TMEM64: variants seen among roughly 807,000 people sequenced by gnomAD.
TMEM64 encodes the protein transmembrane protein 64.
A neutral mutation model predicts 24.5 loss-of-function variants in TMEM64; 19 were observed. The ratio of observed to expected loss-of-function variants is 0.78; its 90% CI spans 0.54 to 1.14. The LOEUF is 1.14. Ranked by LOEUF, TMEM64 falls within the 50% of genes most tolerant of loss-of-function variation. The probability of loss-of-function intolerance (pLI) is 0.00; values close to 1 mark genes in which losing one functional copy is unlikely to be tolerated. For missense variants in TMEM64, 487 were observed against 493.0 expected, an observed-to-expected ratio of 0.99 and a Z score of 0.12; for synonymous variants, 262 against 224.7, an observed-to-expected ratio of 1.17 and a Z score of -1.49.
rs1335686505 is a variant in TMEM64 at position 90,631,657 on chromosome 8, C to G, written c.846G>C (p.Leu282=). 1 of 1,613,666 alleles carries G rather than the reference C, an allele frequency of 6.2e-7. No homozygotes were observed. The highest frequency in any genetic ancestry group is 1.1e-5 in the South Asian group (1 of 91,062). Reference sequence around the variant, plus strand: ...AAGAATTCAGAAGCTGGGTAGGAAGCAGTCCAACCGAAGATGCCATCAGAT... The same window carrying G: ...AAGAATTCAGAAGCTGGGTAGGAAGGAGTCCAACCGAAGATGCCATCAGAT... ...PNYLMASSVG[L]LPTQLLNSYL... is the part of the protein sequence containing the mutation. The change falls in exon 2 of 3, where the codon CTG becomes CTC. Residue 282 remains leucine, a synonymous_variant. Coordinates refer to ENST00000458549, the MANE Select transcript of TMEM64 (RefSeq NM_001008495.4).
chr8:90,639,535 C>A (rs1264312574), intron 1 of TMEM64, among the ~76,000 whole-genome samples: 1 of 152,030 alleles, frequency 6.6e-6, no homozygotes, highest in African/African-American at 2.4e-5. Flanking sequence ...GTATCATATG[C>A]CTTCTATATA....
At position 90,625,834 on chromosome 8, in the gene TMEM64, T is replaced by C. The variant is rs1809350440; in HGVS notation, c.980A>G (p.Tyr327Cys). 1.2e-6 allele frequency: 2 copies of C among 1,613,092 alleles called. No individual in the cohort carries two copies. Among genetic ancestry groups the C allele is most frequent in the Non-Finnish European group, 1.7e-6 (2 of 1,179,324 alleles). The change falls in exon 3 of 3, where the codon TAT becomes TGT. Residue 327 changes from tyrosine to cysteine, a missense_variant. Physicochemically the swap from Tyr to Cys is radical, Grantham distance 194. Around this residue, in one of 3 missense-constraint regions of TMEM64, gnomAD observed 10 missense variants for 27.3 expected, o/e 0.37. Coordinates refer to ENST00000458549, the MANE Select transcript of TMEM64 (RefSeq NM_001008495.4). Reference protein sequence around the residue: ...QIIISIGLMFYVVHRAQVELN... With the variant: ...QIIISIGLMFCVVHRAQVELN... ...TTCCACTTGAGCTCGATGAACTACATAAAACATGAGGCCTATACTTATAAT... is the reference window on the plus strand; with the variant it reads ...TTCCACTTGAGCTCGATGAACTACACAAAACATGAGGCCTATACTTATAAT...
At chr8:90,633,274 T>C (rs1195032082) in intron 1 of TMEM64, among the ~76,000 whole-genome samples, 1 of 152,220 alleles carries the variant, frequency 6.6e-6, no homozygotes, top group Non-Finnish European at 1.5e-5. Flanking sequence ...GGCAAGGAAC[T>C]GATGTCTTCA....
intron 2 of TMEM64, among the ~76,000 whole-genome samples, chr8:90,631,240 C>T (rs1476644585): frequency 6.6e-6 from 1 of 152,122 alleles, no homozygotes; most frequent in African/African-American, 2.4e-5. Flanking sequence ...ACACTTCACA[C>T]AAAATCAAAA....
At position 90,645,509 on chromosome 8, in the gene TMEM64, A is replaced by T. The variant is rs1025714695; in HGVS notation, c.397T>A (p.Cys133Ser). 2 of 1,550,468 alleles carry T rather than the reference A, an allele frequency of 1.3e-6. No individual in the cohort carries two copies. The highest frequency in any genetic ancestry group is 2.7e-5 in the African/African-American group (2 of 73,052). Residue 133 changes from cysteine (C) to serine (S), a missense_variant, in exon 1 of 3, where the codon TGC becomes AGC. Around this residue, in one of 3 missense-constraint regions of TMEM64, gnomAD observed 419 missense variants for 407.5 expected, o/e 1.03. Coordinates refer to ENST00000458549, the MANE Select transcript of TMEM64 (RefSeq NM_001008495.4). The surrounding 1 kb of genome is among the most constrained non-coding windows in gnomAD (Gnocchi z 4.2). ...LVLVCVLAAL[C>S]FASLALVRRY... ...CGGACCAGGGCCAGGGAAGCGAAGC[A>T]CAGGGCGGCCAACACGCAGACCAGC...
intron 2 of TMEM64, among the ~76,000 whole-genome samples, chr8:90,631,108 T>C (rs1809430231): frequency 6.6e-6 from 1 of 152,168 alleles, no homozygotes; most frequent in African/African-American, 2.4e-5. Flanking sequence ...CAAATTGTAC[T>C]AGAAAGAAAT....
intron 2 of TMEM64, among the ~76,000 whole-genome samples, chr8:90,627,991 T>C (rs1229337507): frequency 2.0e-5 from 3 of 152,132 alleles, no homozygotes; most frequent in African/African-American, 7.2e-5. Flanking sequence ...GGGCCACAGA[T>C]AGCAAGGGTG....
intron 1 of TMEM64, among the ~76,000 whole-genome samples, chr8:90,639,257 T>C (rs79281177): frequency 0.012 from 1,823 of 152,244 alleles, 36 homozygotes; most frequent in African/African-American, 0.042. Context: ...TCTTCACATA[T>C]GCAAGCTTTT....
intron 2 of TMEM64, among the ~76,000 whole-genome samples, chr8:90,627,799 GA>G (rs1276071023): frequency 6.6e-6 from 1 of 151,014 alleles, no homozygotes; most frequent in South Asian, 2.1e-4. Context: ...TAGGCAAGTG[GA>G]AAAAAAAAGT....
In TMEM64 at chr8:90,645,423, C is replaced by G; in HGVS notation, c.483G>C (p.Leu161=). 1 of 1,551,690 alleles carries G rather than the reference C, an allele frequency of 6.4e-7. No homozygotes were observed. Among genetic ancestry groups the G allele is most frequent in the Non-Finnish European group, 8.7e-7 (1 of 1,147,030 alleles). Residue 161 remains leucine (L), a synonymous_variant, in exon 1 of 3, where the codon CTG becomes CTC. Transcript: ENST00000458549. The surrounding 1 kb of genome is among the most constrained non-coding windows in gnomAD (Gnocchi z 4.2). The stretch of plus-strand genomic sequence containing the variant: ...CCACGATGAAGCCCACGACGAAGAG[C>G]AGGACCCCCAGCAGCGAGTCAAGGC... ...VESLDSLLGV[L]LFVVGFIVVS... is the part of the protein sequence containing the mutation.
chr8:90,626,779 C>A (rs369380538), intron 2 of TMEM64, among the ~76,000 whole-genome samples: 1 of 151,750 alleles, frequency 6.6e-6, no homozygotes, highest in African/African-American at 2.4e-5. Context: ...TACATGCATG[C>A]GCCCCACGCC....
chr8:90,632,298 C>T (rs1002825612), intron 1 of TMEM64, among the ~76,000 whole-genome samples: 2 of 151,708 alleles, frequency 1.3e-5, no homozygotes, highest in African/African-American at 2.4e-5. Context: ...AGGCACATGC[C>T]GCCACACCGC....
chr8:90,642,571 A>G (rs1259493910), intron 1 of TMEM64, among the ~76,000 whole-genome samples: 1 of 152,208 alleles, frequency 6.6e-6, no homozygotes, highest in Non-Finnish European at 1.5e-5. Flanking sequence ...GAAGGCAGAA[A>G]GTCAAGTCAG....
rs1054218314 is a variant in TMEM64, at chr8:90,623,312, A to C, written c.*2359T>G. 6.6e-6 allele frequency: 1 copy of C among 152,156 alleles called. No homozygotes were observed. The highest frequency in any genetic ancestry group is 1.9e-4 in the East Asian group (1 of 5,192). 9.4% of individuals were successfully genotyped at this position (152,156 alleles called of 1,614,324 possible). ...TGGACAACATAAAAGTATCCTGTAG[A>C]TATGTGTTGCTGCCATAAATCTGGG... On this transcript the variant is annotated 3_prime_UTR_variant, in exon 3 of 3. Transcript: ENST00000458549.
rs146625886 is a variant in TMEM64, at chr8:90,635,417, G to C, written c.796-3710C>G. Among the ~76,000 whole-genome samples, 1,230 of 140,050 alleles carry C rather than the reference G, an allele frequency of 8.8e-3. 25 individuals carry two copies. Among genetic ancestry groups the C allele is most frequent in the African/African-American group, 0.037 (1,174 of 31,692 alleles). The allele number at this position is 140,050 out of a possible 152,430, so 91.9% of individuals were successfully genotyped here. On this transcript the variant is annotated intron_variant, in intron 1 of 2. Coordinates refer to ENST00000458549, the MANE Select transcript of TMEM64 (RefSeq NM_001008495.4). The stretch of plus-strand genomic sequence containing the variant: ...TATTTTATTTTATTTTTTTTGAGAC[G>C]GACTCTTCGCTGTGTCACCCAGGCT...
At chr8:90,632,658 C>T (rs982711045) in intron 1 of TMEM64, among the ~76,000 whole-genome samples, 1 of 152,130 alleles carries the variant, frequency 6.6e-6, no homozygotes, top group African/African-American at 2.4e-5. Flanking sequence ...AGAGTTTCAC[C>T]GTGTTGCCCA....
chr8:90,639,779 G>A (rs1809576268), intron 1 of TMEM64, among the ~76,000 whole-genome samples: 1 of 152,082 alleles, frequency 6.6e-6, no homozygotes, highest in Non-Finnish European at 1.5e-5. Context: ...CTTTGTACTT[G>A]CTATACTTTT....
Position 90,641,590 on chromosome 8 carries a change from G to C in TMEM64, c.795+3521C>G, listed in dbSNP as rs143040444. On this transcript the variant is annotated intron_variant, in intron 1 of 2. Coordinates refer to ENST00000458549, the MANE Select transcript of TMEM64 (RefSeq NM_001008495.4). ...TGTCTGGGAAATCCAGCTCTTCTTG[G>C]ACCAACACTAGTGCCTGGATAAGTT... Among the ~76,000 whole-genome samples the C allele has an allele frequency of 5.9e-5, 9 of 152,222 alleles. No individual in the cohort carries two copies. In the South Asian group the frequency reaches 1.0e-3, roughly 18 times the overall value.
chr8:90,644,529 T>C (rs1414866228), intron 1 of TMEM64, among the ~76,000 whole-genome samples: 1 of 152,220 alleles, frequency 6.6e-6, no homozygotes, highest in Non-Finnish European at 1.5e-5. Context: ...GATTTCGAAA[T>C]GAAGTTCCTC....
Sources: gnomAD v4.1 joint callset for allele counts (sites outside exome capture counted in the v4.1 genomes callset) on GRCh38, gnomAD v4.1.1 for gene constraint, gnomAD v4.1.1 regional missense constraint, Gnocchi (gnomAD v3.1) non-coding constraint, MANE v1.5 for transcripts, NCBI Gene and HGNC (gene_info 2026-07-23, HGNC 2026-07-21) for gene names.